Variants in THSD1 observed in about 807,000 individuals in gnomAD.
The protein encoded by THSD1 is thrombospondin type 1 domain containing 1.
In THSD1, 34 loss-of-function variants were observed where a neutral mutation model predicts 46.3. The ratio of observed to expected loss-of-function variants is 0.74; its 90% CI spans 0.56 to 0.98. The LOEUF is 0.98. THSD1 is among the 50% of genes least tolerant of loss of function. The pLI is 0.00. For missense variants in THSD1, 1,023 were observed against 1,058.3 expected, an observed-to-expected ratio of 0.97 and a Z score of 0.46; for synonymous variants, 407 against 416.5, an observed-to-expected ratio of 0.98 and a Z score of 0.28.
intron 2 of THSD1, among the ~76,000 whole-genome samples, chr13:52,401,876 CAAAA>C (rs1957865801): frequency 2.0e-5 from 3 of 152,154 alleles, no homozygotes; most frequent in Non-Finnish European, 4.4e-5. Context: ...TGGAAATCAT[CAAAA>C]GTAGTGAAGA....
At chr13:52,403,938 ATTTTTTTTTTTT>A (rs67802176) in intron 1 of THSD1, among the ~76,000 whole-genome samples, 37 of 63,882 alleles carry the variant, frequency 5.8e-4, no homozygotes, top group Admixed American at 2.7e-3. Flanking sequence ...CATTATTCAC[ATTTTTTTTTTTT>A]TTTTTTTTTT....
intron 4 of THSD1, among the ~76,000 whole-genome samples, chr13:52,383,240 A>G (rs1957706117): frequency 6.6e-6 from 1 of 152,180 alleles, no homozygotes; most frequent in Non-Finnish European, 1.5e-5. Flanking sequence ...GCTCATAAAC[A>G]CTAGTTTAAC....
At chr13:52,390,959 T>A (rs1260528651) in intron 3 of THSD1, among the ~76,000 whole-genome samples, 1 of 152,182 alleles carries the variant, frequency 6.6e-6, no homozygotes, top group African/African-American at 2.4e-5. Context: ...TAAAAAATTA[T>A]ATGTATATAT....
intron 3 of THSD1, among the ~76,000 whole-genome samples, chr13:52,388,191 A>T (rs188625011): frequency 1.3e-3 from 201 of 151,242 alleles, no homozygotes; most frequent in East Asian, 9.1e-3. Flanking sequence ...TAAAAAAAAA[A>T]ATATATATGT....
At chr13:52,404,528 G>A (rs1957891979) in intron 1 of THSD1, among the ~76,000 whole-genome samples, 1 of 152,096 alleles carries the variant, frequency 6.6e-6, no homozygotes, top group African/African-American at 2.4e-5. Context: ...AGAAAAGAAA[G>A]GAAAGAAGAA....
At chr13:52,384,936 GAA>G (rs56808344) in intron 4 of THSD1, among the ~76,000 whole-genome samples, 1 of 141,032 alleles carries the variant, frequency 7.1e-6, no homozygotes. Flanking sequence ...GCTACAATAA[GAA>G]AAAAAAAAAT....
At position 52,398,228 on chromosome 13, in the gene THSD1, G is replaced by C; in HGVS notation, c.59-34C>G. The C allele has an allele frequency of 3.2e-6, 5 of 1,572,840 alleles. No homozygotes were observed. The South Asian group carries it at 5.9e-5, about 19-fold the overall frequency. On this transcript the variant is annotated intron_variant, in intron 2 of 4. Transcript: ENST00000258613. ...AAGTGGTCAGAATTGGTTTTTAAAA[G>C]GTGCATTTGAGAAGAACTATTAGTG...
Position 52,392,771 on chromosome 13 carries a change from C to T in THSD1, c.1021+4461G>A, listed in dbSNP as rs1341679290. On this transcript the variant is annotated intron_variant, in intron 3 of 4. Coordinates refer to ENST00000258613, the MANE Select transcript of THSD1 (RefSeq NM_018676.4). ...GAAACCAAGGTAACTAAACAAATCACGATTATAAGAAAATTCTATAGACAT... is the reference window on the plus strand; with the variant it reads ...GAAACCAAGGTAACTAAACAAATCATGATTATAAGAAAATTCTATAGACAT... Among the ~76,000 whole-genome samples the T allele has an allele frequency of 2.0e-5, 3 of 152,224 alleles. No homozygotes were observed. In the South Asian group the frequency reaches 6.2e-4, roughly 32 times the overall value.
In THSD1 at chr13:52,392,190, C is replaced by CAAAAAAA. The variant is rs368671089; in HGVS notation, c.1021+5035_1021+5041dup. Among the ~76,000 whole-genome samples the CAAAAAAA allele has an allele frequency of 4.5e-3, 311 of 69,682 alleles. 12 individuals carry two copies. Among genetic ancestry groups the CAAAAAAA allele is most frequent in the African/African-American group, 0.014 (217 of 15,704 alleles). 45.7% of individuals were successfully genotyped at this position (69,682 alleles called of 152,430 possible). A position where few individuals can be genotyped will look rare whatever the true frequency, so the allele number is the denominator to read the frequency against. On this transcript the variant is annotated intron_variant, in intron 3 of 4. Coordinates refer to ENST00000258613, the MANE Select transcript of THSD1 (RefSeq NM_018676.4). Reference sequence around the variant, plus strand: ...CTGGGGGAGAGAGTGAGACTCCTCTCAAAAAAAAAAAAAAAAAAAAAGTAA... The same window carrying CAAAAAAA: ...CTGGGGGAGAGAGTGAGACTCCTCTCAAAAAAAAAAAAAAAAAAAAAAAAAAAAGTAA...
intron 2 of THSD1, chr13:52,399,961 AAG>A (rs1345796263): frequency 6.3e-6 from 1 of 158,190 alleles, no homozygotes; most frequent in African/African-American, 2.4e-5. Flanking sequence ...ATTTAAGAAT[AAG>A]AGGCATACAC....
rs745475065 is a variant in THSD1 at position 52,397,527 on chromosome 13, G to A, written c.726C>T (p.Tyr242=). The A allele has an allele frequency of 1.9e-6, 3 of 1,613,976 alleles. No homozygotes were observed. Among genetic ancestry groups the A allele is most frequent in the Admixed American group, 3.3e-5 (2 of 59,984 alleles). The change falls in exon 3 of 5, where the codon TAC becomes TAT. Residue 242 remains tyrosine, a synonymous_variant. Coordinates refer to ENST00000258613, the MANE Select transcript of THSD1 (RefSeq NM_018676.4). ...TGAGTTCTGGCACCATCACCAGTTT[G>A]TATCCAAATTTCTGGGCCAGGTCAA... ...GPIDLAQKFG[Y]KLVMVPELTC...
chr13:52,380,230 T>C (rs1040925351), intron 4 of THSD1, among the ~76,000 whole-genome samples: 2 of 152,122 alleles, frequency 1.3e-5, no homozygotes, highest in African/African-American at 4.8e-5. Context: ...TAATGCCACC[T>C]GACCCTCCCC....
At position 52,398,387 on chromosome 13, in the gene THSD1, G is replaced by A. The variant is rs143633376; in HGVS notation, c.59-193C>T. The A allele has an allele frequency of 9.0e-4, 592 of 654,544 alleles. 3 individuals are homozygous for A. In the African/African-American group the frequency reaches 0.01, roughly 11 times the overall value. The allele number at this position is 654,544 out of a possible 1,614,324, so 40.5% of individuals were successfully genotyped here. A position where few individuals can be genotyped will look rare whatever the true frequency, so the allele number is the denominator to read the frequency against. On this transcript the variant is annotated intron_variant, in intron 2 of 4. Coordinates refer to ENST00000258613, the MANE Select transcript of THSD1 (RefSeq NM_018676.4). Reference sequence around the variant, plus strand: ...TTGGGCTCAAGCGATCTCCCACCTCGCCCTCACGAATAGCTGGGACTACAG... The same window carrying A: ...TTGGGCTCAAGCGATCTCCCACCTCACCCTCACGAATAGCTGGGACTACAG...
intron 3 of THSD1, among the ~76,000 whole-genome samples, chr13:52,391,305 T>C (rs1483059880): frequency 6.6e-6 from 1 of 151,656 alleles, no homozygotes; most frequent in Non-Finnish European, 1.5e-5. Context: ...AAGCCTCAAC[T>C]TCCCCCTGCT....
chr13:52,398,853 G>C (rs113317817), intron 2 of THSD1, among the ~76,000 whole-genome samples: 5,139 of 152,272 alleles, frequency 0.034, 110 homozygotes, highest in East Asian at 0.063. Context: ...TGGATATACA[G>C]TGAAGAGAAA....
intron 1 of THSD1, 122 bp from the exon 2 acceptor site, chr13:52,402,803 G>C: frequency 7.3e-7 from 1 of 1,365,060 alleles, no homozygotes; most frequent in Non-Finnish European, 9.5e-7. Flanking sequence ...GGAAACTAGA[G>C]AGGACACTAA....
rs546960908 is a variant in THSD1, at chr13:52,378,428, C to A, written c.1542G>T (p.Glu514Asp). The A allele has an allele frequency of 6.2e-6, 10 of 1,614,162 alleles. No individual in the cohort carries two copies. The African/African-American group carries it at 1.3e-4, about 22-fold the overall frequency. ...TCTTCTGGGCGTTGGACTGGAAGCT[C>A]TCGCTGCCAGAGGCATCATCCTCGG... ...VPPEDDASGS[E>D]SFQSNAQKII... The change falls in exon 5 of 5, where the codon GAG becomes GAT. Residue 514 changes from glutamate (E) to aspartate (D), a missense_variant. This residue lies in a region of THSD1 where 578 missense variants were observed against 497.4 expected (regional missense o/e 1.16). Coordinates refer to ENST00000258613, the MANE Select transcript of THSD1 (RefSeq NM_018676.4).
intron 4 of THSD1, among the ~76,000 whole-genome samples, chr13:52,380,115 A>G (rs1957680725): frequency 6.6e-6 from 1 of 151,826 alleles, no homozygotes. Context: ...TTCCCTCCTC[A>G]AACTGGTTTG....
At chr13:52,401,400 C>T (rs1331594795) in intron 2 of THSD1, among the ~76,000 whole-genome samples, 3 of 151,960 alleles carry the variant, frequency 2.0e-5, no homozygotes, top group Non-Finnish European at 2.9e-5. Context: ...CCCGGGTTCA[C>T]GCCATTCCCT....
Sources: gnomAD v4.1 joint callset for allele counts (sites outside exome capture counted in the v4.1 genomes callset) on GRCh38, gnomAD v4.1.1 for gene constraint, gnomAD v4.1.1 regional missense constraint, MANE v1.5 for transcripts, NCBI Gene and HGNC (gene_info 2026-07-23, HGNC 2026-07-21) for gene names.